Variants in CPQ observed in about 807,000 individuals in gnomAD.
The protein encoded by CPQ is Ser-Met dipeptidase.
A neutral mutation model predicts 45.7 loss-of-function variants in CPQ; 37 were observed. The observed-to-expected ratio is 0.81, with a 90% confidence interval of 0.62 to 1.07. The LOEUF (loss-of-function observed/expected upper bound fraction) is 1.07, where lower values mean the gene tolerates loss of function less well. Among genes scored for constraint, CPQ ranks in the 50% least tolerant of loss-of-function variants. The pLI is 0.00. For missense variants in CPQ, 537 were observed against 572.9 expected (o/e 0.94, Z 0.64); for synonymous variants, 186 against 205.8 (o/e 0.90, Z 0.82).
intron 4 of CPQ, among the ~76,000 whole-genome samples, chr8:96,943,992 T>C (rs1265411542): frequency 6.6e-6 from 1 of 152,186 alleles, no homozygotes; most frequent in Non-Finnish European, 1.5e-5. Flanking sequence ...TCATAATATG[T>C]CTCTGGCATG....
At chr8:96,901,545 G>T (rs558050759) in intron 4 of CPQ, among the ~76,000 whole-genome samples, 1 of 152,290 alleles carries the variant, frequency 6.6e-6, no homozygotes, top group South Asian at 2.1e-4. Flanking sequence ...TTGCTTTGAA[G>T]AATATTTTAA....
intron 3 of CPQ, among the ~76,000 whole-genome samples, chr8:96,841,799 T>G (rs1811614289): frequency 6.6e-6 from 1 of 152,096 alleles, no homozygotes; most frequent in African/African-American, 2.4e-5. Context: ...GGGAGAGAGA[T>G]GAGTGAATCC....
intron 1 of CPQ, among the ~76,000 whole-genome samples, chr8:96,648,798 A>G (rs1815546294): frequency 6.6e-6 from 1 of 152,148 alleles, no homozygotes; most frequent in African/African-American, 2.4e-5. Context: ...GGGTATTCCA[A>G]GAATGGAGAA....
chr8:96,675,318 C>T (rs1318166273), intron 1 of CPQ, among the ~76,000 whole-genome samples: 2 of 151,890 alleles, frequency 1.3e-5, no homozygotes, highest in Non-Finnish European at 2.9e-5. Context: ...TTTTATTCTG[C>T]ACCTTGCTTT....
intron 5 of CPQ, among the ~76,000 whole-genome samples, chr8:97,004,211 A>G (rs186258769): frequency 6.6e-6 from 1 of 152,202 alleles, no homozygotes; most frequent in Admixed American, 6.5e-5. Flanking sequence ...ATACAAATCA[A>G]TAATAAAGAA....
At chr8:96,807,157 G>A (rs1161131088) in intron 2 of CPQ, among the ~76,000 whole-genome samples, 3 of 152,038 alleles carry the variant, frequency 2.0e-5, no homozygotes, top group Non-Finnish European at 4.4e-5. Flanking sequence ...CAGTGCAAGG[G>A]AAAGTAAGCC....
rs570871020 is a variant in CPQ at position 96,719,116 on chromosome 8, C to T, written c.-34-65748C>T. ...CTCAGCCCTTGGGTGGTCGATAGGA[C>T]TGGGTGCCGTGGAGCAAGGGGTGGC... On this transcript the variant is annotated intron_variant, in intron 1 of 7. Transcript: ENST00000220763. Among the ~76,000 whole-genome samples, 43 of 152,344 alleles carry T rather than the reference C, an allele frequency of 2.8e-4. No individual in the cohort carries two copies. The East Asian group carries it at 7.7e-3, about 27-fold the overall frequency.
intron 1 of CPQ, among the ~76,000 whole-genome samples, chr8:96,740,060 C>A (rs1013559089): frequency 4.7e-4 from 72 of 152,050 alleles, no homozygotes; most frequent in Non-Finnish European, 6.8e-4. Flanking sequence ...GGCAGTATGG[C>A]CATTTTCATG....
At chr8:96,983,831 T>G (rs1464484395) in intron 5 of CPQ, among the ~76,000 whole-genome samples, 2 of 151,194 alleles carry the variant, frequency 1.3e-5, no homozygotes, top group Non-Finnish European at 3.0e-5. Flanking sequence ...TTGGTTACTT[T>G]TTTTTTTTTT....
At chr8:96,926,096 G>A (rs1189263422) in intron 4 of CPQ, among the ~76,000 whole-genome samples, 1 of 152,170 alleles carries the variant, frequency 6.6e-6, no homozygotes, top group Non-Finnish European at 1.5e-5. Context: ...AGGAAACCTC[G>A]ATATTAAAAG....
chr8:96,941,540 A>G (rs1813123279), intron 4 of CPQ, among the ~76,000 whole-genome samples: 1 of 152,096 alleles, frequency 6.6e-6, no homozygotes, highest in Admixed American at 6.6e-5. Context: ...AAAACTGTAC[A>G]ATATGGTTAC....
intron 4 of CPQ, among the ~76,000 whole-genome samples, chr8:96,880,577 A>ATATATG (rs66491596): frequency 8.7e-6 from 1 of 114,620 alleles, no homozygotes; most frequent in Non-Finnish European, 1.8e-5. Flanking sequence ...ATATATATAT[A>ATATATG]CCATGGAATA....
At chr8:97,097,915 T>C (rs901860951) in intron 7 of CPQ, among the ~76,000 whole-genome samples, 5 of 152,214 alleles carry the variant, frequency 3.3e-5, no homozygotes, top group Non-Finnish European at 7.3e-5. Context: ...AGTTACATGT[T>C]ACATGGCCCT....
At chr8:96,806,312 A>T (rs903290890) in intron 2 of CPQ, among the ~76,000 whole-genome samples, 1 of 152,174 alleles carries the variant, frequency 6.6e-6, no homozygotes, top group Non-Finnish European at 1.5e-5. Flanking sequence ...GGCTCTAAAA[A>T]ATGTTTGGCA....
At chr8:97,042,546 CT>C (rs1810148119) in intron 6 of CPQ, among the ~76,000 whole-genome samples, 1 of 151,514 alleles carries the variant, frequency 6.6e-6, no homozygotes, top group South Asian at 2.1e-4. Flanking sequence ...TGTGTTTGCT[CT>C]TGCTTTTCTA....
At chr8:96,878,125 C>T (rs1360157802) in intron 3 of CPQ, among the ~76,000 whole-genome samples, 1 of 152,088 alleles carries the variant, frequency 6.6e-6, no homozygotes, top group East Asian at 1.9e-4. Context: ...GCCACCACAC[C>T]TGGCTAATTT....
At chr8:96,835,420 C>T (rs1258749406) in intron 3 of CPQ, among the ~76,000 whole-genome samples, 1 of 152,186 alleles carries the variant, frequency 6.6e-6, no homozygotes, top group Admixed American at 6.5e-5. Flanking sequence ...TTTTCACATC[C>T]ACAGTGATCC....
intron 1 of CPQ, among the ~76,000 whole-genome samples, chr8:96,780,434 A>G (rs1810671294): frequency 6.6e-6 from 1 of 152,220 alleles, no homozygotes; most frequent in African/African-American, 2.4e-5. Flanking sequence ...TTTGAAGAAC[A>G]GCGTGAAGTT....
intron 7 of CPQ, among the ~76,000 whole-genome samples, chr8:97,076,590 C>A (rs1177020311): frequency 2.6e-5 from 4 of 152,064 alleles, no homozygotes; most frequent in African/African-American, 7.2e-5. Context: ...TTACAGATGC[C>A]AAGTATTTGT....
Sources: allele counts gnomAD v4.1 joint callset (sites outside exome capture counted in the v4.1 genomes callset), GRCh38; gene constraint gnomAD v4.1.1; transcripts MANE v1.5; gene names NCBI Gene and HGNC (gene_info 2026-07-23, HGNC 2026-07-21).